ERCC3: variants seen among roughly 807,000 people sequenced by gnomAD.
The protein encoded by ERCC3 is ERCC excision repair 3, TFIIH core complex helicase subunit.
In ERCC3, 66 loss-of-function variants were observed where a neutral mutation model predicts 94.2. That is an observed-to-expected ratio of 0.70 (90% CI 0.57 to 0.86). ERCC3 has a LOEUF of 0.86. ERCC3 is among the 40% of genes least tolerant of loss of function. ERCC3 has a pLI of 0.00. For missense variants in ERCC3, 829 were observed against 987.1 expected, an observed-to-expected ratio of 0.84 and a Z score of 2.15; for synonymous variants, 349 against 369.1, an observed-to-expected ratio of 0.95 and a Z score of 0.63.
intron 8 of ERCC3, among the ~76,000 whole-genome samples, chr2:127,282,511 A>G (rs994507800): frequency 2.0e-5 from 3 of 152,246 alleles, no homozygotes; most frequent in African/African-American, 4.8e-5. Context: ...ATAAAAAGGC[A>G]TAACAGAGCT....
At position 127,289,348 on chromosome 2, in the gene ERCC3, CAA is replaced by C. The variant is rs866379139; in HGVS notation, c.809_810del (p.Phe270Ter). On this transcript the variant is annotated frameshift_variant, in exon 6 of 15. Transcript: ENST00000285398. LOFTEE classifies it high-confidence loss of function. Reference sequence around the variant, plus strand: ...GTACATTCACTAACCTGCTTGACTTCAAAAGACACTGTCTGTGTCTCTTCTTC... The same window carrying C: ...GTACATTCACTAACCTGCTTGACTTCAAGACACTGTCTGTGTCTCTTCTTC... ...EEEEETQTVS[F>X]EVKQEMIEEL... The C allele has an allele frequency of 2.9e-5, 46 of 1,613,674 alleles. No homozygotes were observed. The highest frequency in any genetic ancestry group is 3.3e-5 in the Non-Finnish European group (39 of 1,179,992).
intron 5 of ERCC3, 34 bp downstream of exon 5, chr2:127,289,655 C>A: frequency 1.2e-6 from 2 of 1,613,454 alleles, no homozygotes; most frequent in Non-Finnish European, 1.7e-6. Context: ...TAAATGCCTG[C>A]CCCCACCCAA....
At chr2:127,268,362 G>A (rs1422152162) in intron 12 of ERCC3, among the ~76,000 whole-genome samples, 1 of 152,038 alleles carries the variant, frequency 6.6e-6, no homozygotes, top group African/African-American at 2.4e-5. Context: ...AGACTAAAGC[G>A]ATTCTCTTGC....
chr2:127,258,736 A>C lies in ERCC3; in HGVS notation c.2217+560T>G, dbSNP rs1260005060. 6.6e-6 allele frequency among the ~76,000 whole-genome samples: 1 copy of C among 152,198 alleles called. No individual in the cohort carries two copies. On this transcript the variant is annotated intron_variant, in intron 14 of 14. Coordinates refer to ENST00000285398, the MANE Select transcript of ERCC3 (RefSeq NM_000122.2). This position sits in a 1 kb window ranked among gnomAD's most constrained non-coding sequence, Gnocchi z 4.1. Reference sequence around the variant, plus strand: ...ATGATGCTCTCACTAATTAGACCATATATTTACTTGGCCTAGAGCAGGCAT... The same window carrying C: ...ATGATGCTCTCACTAATTAGACCATCTATTTACTTGGCCTAGAGCAGGCAT...
At chr2:127,263,403 T>C (rs571095175) in intron 12 of ERCC3, among the ~76,000 whole-genome samples, 11 of 152,340 alleles carry the variant, frequency 7.2e-5, no homozygotes, top group African/African-American at 2.6e-4. Context: ...TTGGATTGTG[T>C]TCTTGATTTG....
At position 127,257,830 on chromosome 2, in the gene ERCC3, T is replaced by G; in HGVS notation, c.2218-103A>C. On this transcript the variant is annotated intron_variant, in intron 14 of 14. Transcript: ENST00000285398. The surrounding 1 kb of genome is among the most constrained non-coding windows in gnomAD (Gnocchi z 5.4). ...AAATTTTATAAGACTTACATAAATT[T>G]AATACATCATTTTTAATAATGTTTA... is the stretch of plus-strand genomic sequence containing the variant. The G allele has an allele frequency of 2.3e-6, 3 of 1,278,450 alleles. No homozygotes were observed. The South Asian group carries it at 3.7e-5, about 16-fold the overall frequency. 79.2% of individuals were successfully genotyped at this position (1,278,450 alleles called of 1,614,324 possible).
Position 127,271,457 on chromosome 2 carries a change from C to G in ERCC3, c.1828-4G>C. The G allele has an allele frequency of 6.2e-7, 1 of 1,604,244 alleles. No homozygotes were observed. Among genetic ancestry groups the G allele is most frequent in the Non-Finnish European group, 8.5e-7 (1 of 1,171,636 alleles). On this transcript the variant is annotated splice_polypyrimidine_tract_variant and splice_region_variant and intron_variant, in intron 11 of 14. Transcript: ENST00000285398. This position sits in a 1 kb window ranked among gnomAD's most constrained non-coding sequence, Gnocchi z 5.0. ...GATCAAACGAAGTGTCACCTACCTA[C>G]AGAAACAAGTTGGAAGGTTTTTATA...
chr2:127,257,621 G>C lies in ERCC3; in HGVS notation c.2324C>G (p.Pro775Arg). ...TCATTTCCTAAAGCGCTTGAAGAGC[G>C]GGTGTACATGTTTGCTGGGCGCCTT... ...RSKAPSKHVHPLFKRFRK is the reference protein window; with the variant it reads ...RSKAPSKHVHRLFKRFRK Residue 775 changes from proline (P) to arginine (R), a missense_variant, in exon 15 of 15, where the codon CCG becomes CGG. By Grantham distance (103) the Pro-to-Arg change is moderately radical (BLOSUM62 -2). Transcript: ENST00000285398. The surrounding 1 kb of genome is among the most constrained non-coding windows in gnomAD (Gnocchi z 5.4). 1 of 1,614,094 alleles carries C rather than the reference G, an allele frequency of 6.2e-7. No individual in the cohort carries two copies. The highest frequency in any genetic ancestry group is 8.5e-7 in the Non-Finnish European group (1 of 1,180,032).
chr2:127,279,029 T>C lies in ERCC3; in HGVS notation c.1730+144A>G, dbSNP rs1207321825. 4.2e-5 allele frequency: 29 copies of C among 687,140 alleles called. No homozygotes were observed. The East Asian group carries it at 7.8e-4, about 18-fold the overall frequency. 42.6% of individuals were successfully genotyped at this position (687,140 alleles called of 1,614,324 possible). A position where few individuals can be genotyped will look rare whatever the true frequency, so the allele number is the denominator to read the frequency against. On this transcript the variant is annotated intron_variant, in intron 10 of 14. Transcript: ENST00000285398. This position sits in a 1 kb window ranked among gnomAD's most constrained non-coding sequence, Gnocchi z 4.7. ...CCTACTTCAGGTCTTCCCTGGTTTC[T>C]GAGACCAGGGCCACAGAACAAGATC...
At chr2:127,288,606 TG>T in intron 7 of ERCC3, 53 bp downstream of exon 7, 2 of 1,467,190 alleles carry the variant, frequency 1.4e-6, no homozygotes, top group Non-Finnish European at 1.9e-6. Flanking sequence ...GGGAGGCAGC[TG>T]GCAGATCCAG....
chr2:127,273,974 G>A (rs992000764), intron 10 of ERCC3, among the ~76,000 whole-genome samples: 11 of 150,968 alleles, frequency 7.3e-5, no homozygotes, highest in African/African-American at 1.9e-4. Context: ...CTACAGGTAC[G>A]CAGGACCTAC....
chr2:127,283,974 C>T (rs958830082), intron 8 of ERCC3, among the ~76,000 whole-genome samples: 7 of 151,820 alleles, frequency 4.6e-5, no homozygotes, highest in Admixed American at 4.6e-4. Context: ...TCCTGATAGT[C>T]ACCTTCCAGA....
intron 8 of ERCC3, among the ~76,000 whole-genome samples, chr2:127,285,020 T>A (rs1685022232): frequency 6.6e-6 from 1 of 152,120 alleles, no homozygotes; most frequent in African/African-American, 2.4e-5. Flanking sequence ...CTTAATCTGT[T>A]TTTATCAAAA....
At chr2:127,268,096 G>T (rs1237050034) in intron 12 of ERCC3, among the ~76,000 whole-genome samples, 1 of 151,978 alleles carries the variant, frequency 6.6e-6, no homozygotes, top group East Asian at 1.9e-4. Flanking sequence ...TGAGATTATA[G>T]GCACCTGCCA....
Position 127,259,367 on chromosome 2 carries a change from C to T in ERCC3, c.2146G>A (p.Val716Ile), listed in dbSNP as rs747001718. ...GCATCCAGGTCAGTGGCTGCCAGGA[C>T]TTTCTGTAAGAGCTGCTGTTGCTCT... ...KEEQQQLLQKVLAATDLDAEE... is the reference protein window; with the variant it reads ...KEEQQQLLQKILAATDLDAEE... Residue 716 changes from valine (V) to isoleucine (I), a missense_variant, in exon 14 of 15, where the codon GTC becomes ATC. Transcript: ENST00000285398. The surrounding 1 kb of genome is among the most constrained non-coding windows in gnomAD (Gnocchi z 4.9). 1.2e-5 allele frequency: 19 copies of T among 1,614,128 alleles called. No homozygotes were observed. In the African/African-American group the frequency reaches 2.1e-4, roughly 18 times the overall value.
At chr2:127,275,544 G>C (rs1037284919) in intron 10 of ERCC3, among the ~76,000 whole-genome samples, 1 of 152,166 alleles carries the variant, frequency 6.6e-6, no homozygotes, top group Admixed American at 6.5e-5. Context: ...GCAGATGCTC[G>C]GGAGGCTGCG....
At chr2:127,292,477 C>CT in intron 3 of ERCC3, 133 bp downstream of exon 3, 1 of 775,330 alleles carries the variant, frequency 1.3e-6, no homozygotes, top group South Asian at 1.4e-5. Flanking sequence ...CTGGGGTAAT[C>CT]AGTCGTTATG....
chr2:127,280,558 G>A lies in ERCC3; in HGVS notation c.1416C>T (p.Arg472=), dbSNP rs764135558. Residue 472 remains arginine, a synonymous_variant, in exon 9 of 15, where the codon CGC becomes CGT. Coordinates refer to ENST00000285398, the MANE Select transcript of ERCC3 (RefSeq NM_000122.2). This position sits in a 1 kb window ranked among gnomAD's most constrained non-coding sequence, Gnocchi z 6.3. ...TTAAATCCACAATTTTGTCATCTTC[G>A]CGGACGAGGGTCGCAGTCAAACCCA... ...CKLGLTATLV[R]EDDKIVDLNF... The A allele has an allele frequency of 1.5e-5, 25 of 1,614,022 alleles. No individual in the cohort carries two copies. Among genetic ancestry groups the A allele is most frequent in the East Asian group, 4.5e-5 (2 of 44,902 alleles).
In ERCC3 at chr2:127,259,416, T is replaced by G; in HGVS notation, c.2097A>C (p.Glu699Asp). The change falls in exon 14 of 15, where the codon GAA (glutamate) becomes GAC (aspartate). Residue 699 changes from glutamate to aspartate, a missense_variant. Transcript: ENST00000285398. The surrounding 1 kb of genome is among the most constrained non-coding windows in gnomAD (Gnocchi z 4.9). ...CTTCTTTTGTCGAAAACGCCAAGTC[T>G]TCCTCCTCCATGCCAGCGAGTTTCG... ...VITKLAGMEE[E>D]DLAFSTKEEQ... is the part of the protein sequence containing the mutation. 6.2e-7 allele frequency: 1 copy of G among 1,614,180 alleles called. No individual in the cohort carries two copies. Among genetic ancestry groups the G allele is most frequent in the Non-Finnish European group, 8.5e-7 (1 of 1,180,030 alleles).
Sources: gnomAD v4.1 joint callset for allele counts (sites outside exome capture counted in the v4.1 genomes callset) on GRCh38, gnomAD v4.1.1 for gene constraint, Gnocchi (gnomAD v3.1) non-coding constraint, MANE v1.5 for transcripts, NCBI Gene and HGNC (gene_info 2026-07-23, HGNC 2026-07-21) for gene names.